AEBP2: variants seen among roughly 807,000 people sequenced by gnomAD.
The protein encoded by AEBP2 is zinc finger protein AEBP2.
AEBP2 carries 10 observed loss-of-function variants against 50.8 expected under a neutral mutation model. The observed-to-expected ratio is 0.20, with a 90% confidence interval of 0.12 to 0.33. The LOEUF (loss-of-function observed/expected upper bound fraction) is 0.33. Ranked by LOEUF, AEBP2 falls within the 10% of genes least tolerant of loss-of-function variation. AEBP2 has a pLI of 1.00. For missense variants in AEBP2, 570 were observed against 688.0 expected (o/e 0.83, Z 1.92); for synonymous variants, 296 against 261.3 (o/e 1.13, Z -1.28).
chr12:19,406,133 T>G (rs1239786963), intron 1 of AEBP2, among the ~76,000 whole-genome samples: 2 of 151,986 alleles, frequency 1.3e-5, no homozygotes, highest in African/African-American at 4.8e-5. Context: ...GCCTGGCTAA[T>G]TTTTGCATTT....
At chr12:19,492,437 A>G (rs1948907626) in intron 3 of AEBP2, among the ~76,000 whole-genome samples, 1 of 152,170 alleles carries the variant, frequency 6.6e-6, no homozygotes, top group Non-Finnish European at 1.5e-5. Context: ...TTAACATTGC[A>G]AGTACAGAAG....
rs757069982 is a variant in AEBP2 at position 19,456,897 on chromosome 12, A to C, written c.672-5613A>C. The C allele has an allele frequency of 2.1e-6, 3 of 1,460,952 alleles. No homozygotes were observed. In the Admixed American group the frequency reaches 5.0e-5, roughly 24 times the overall value. The allele number at this position is 1,460,952 out of a possible 1,614,324, so 90.5% of individuals were successfully genotyped here. A position where few individuals can be genotyped will look rare whatever the true frequency, so the allele number is the denominator to read the frequency against. ...TGTAGACATCCTGGAGAGGCAGGCA[A>C]AGGGGCTTGTTAGTTGGATGAGTTG... On this transcript the variant is annotated intron_variant, in intron 1 of 7. Transcript: ENST00000266508.
Position 19,518,706 on chromosome 12 carries a change from TTAAGCAAACAG to T in AEBP2, c.*591_*601del. The T allele has an allele frequency of 6.7e-7, 1 of 1,493,868 alleles. No homozygotes were observed. The highest frequency in any genetic ancestry group is 9.0e-7 in the Non-Finnish European group (1 of 1,105,316). 92.5% of individuals were successfully genotyped at this position (1,493,868 alleles called of 1,614,324 possible). A position where few individuals can be genotyped will look rare whatever the true frequency, so the allele number is the denominator to read the frequency against. ...GATAAGAAAAGTGTTCAATTTGTAT[TTAAGCAAACAG>T]TGAACGACGTTTGCAATCAACTAAA... On this transcript the variant is annotated 3_prime_UTR_variant, in exon 8 of 8. Transcript: ENST00000266508.
Position 19,482,873 on chromosome 12 carries a change from G to T in AEBP2, c.987+9518G>T, listed in dbSNP as rs186432529. ...TAGTTCACCAGGGAAGTGGGGGGTT[G>T]TGAGAGTCCTGGTTGCGAGAGACCT... On this transcript the variant is annotated intron_variant, in intron 3 of 7. Coordinates refer to ENST00000266508, the MANE Select transcript of AEBP2 (RefSeq NM_153207.5). Among the ~76,000 whole-genome samples the T allele has an allele frequency of 2.7e-3, 416 of 152,254 alleles. 4 individuals carry two copies. The highest frequency in any genetic ancestry group is 3.8e-3 in the Non-Finnish European group (258 of 68,032).
intron 4 of AEBP2, 30 bp from the exon 5 acceptor site, chr12:19,500,067 A>T (rs1285497849): frequency 6.4e-6 from 10 of 1,572,200 alleles, no homozygotes; most frequent in East Asian, 2.3e-5. Context: ...GTTTTTCTAA[A>T]TATTCTTTAC....
chr12:19,461,751 T>C (rs975198360), intron 1 of AEBP2, among the ~76,000 whole-genome samples: 1 of 152,152 alleles, frequency 6.6e-6, no homozygotes, highest in Non-Finnish European at 1.5e-5. Flanking sequence ...CATCAGGTAG[T>C]CCACCCGCCT....
At chr12:19,421,649 C>CA (rs1156925129) in intron 1 of AEBP2, among the ~76,000 whole-genome samples, 10 of 152,054 alleles carry the variant, frequency 6.6e-5, no homozygotes, top group Non-Finnish European at 1.2e-4. Context: ...AGGAAACATT[C>CA]AAAAAAGAAA....
intron 3 of AEBP2, among the ~76,000 whole-genome samples, chr12:19,482,114 C>G (rs944609010): frequency 2.0e-5 from 3 of 152,190 alleles, no homozygotes; most frequent in Non-Finnish European, 4.4e-5. Context: ...GGCCTGCTGT[C>G]TCCCACTTCC....
rs12581745 is a variant in AEBP2 at position 19,459,424 on chromosome 12, G to C, written c.672-3086G>C. 9.9e-5 allele frequency among the ~76,000 whole-genome samples: 15 copies of C among 152,114 alleles called. No individual in the cohort carries two copies. The East Asian group carries it at 2.5e-3, about 26-fold the overall frequency. ...TTTTTTGTGTTTTTAATAGAGACAG[G>C]GTTTCACTGTGTTAGCCAGGCTGGT... is the stretch of plus-strand genomic sequence containing the variant. On this transcript the variant is annotated intron_variant, in intron 1 of 7. Coordinates refer to ENST00000266508, the MANE Select transcript of AEBP2 (RefSeq NM_153207.5).
At chr12:19,502,867 C>T (rs912251544) in intron 5 of AEBP2, among the ~76,000 whole-genome samples, 8 of 152,054 alleles carry the variant, frequency 5.3e-5, no homozygotes, top group Non-Finnish European at 1.0e-4. Flanking sequence ...AGGCTGGTCT[C>T]GAACTCCCAA....
intron 1 of AEBP2, among the ~76,000 whole-genome samples, chr12:19,454,551 T>C (rs549012721): frequency 2.0e-5 from 3 of 152,326 alleles, no homozygotes; most frequent in South Asian, 2.1e-4. Context: ...TTTTACTCAG[T>C]GATGTATTCA....
rs1746104886 is a variant in AEBP2, at chr12:19,518,824, G to C, written c.*707G>C. 1.1e-6 allele frequency: 1 copy of C among 931,274 alleles called. No homozygotes were observed. Among genetic ancestry groups the C allele is most frequent in the Non-Finnish European group, 1.5e-6 (1 of 646,772 alleles). The allele number at this position is 931,274 out of a possible 1,614,324, so 57.7% of individuals were successfully genotyped here. On this transcript the variant is annotated 3_prime_UTR_variant, in exon 8 of 8. Coordinates refer to ENST00000266508, the MANE Select transcript of AEBP2 (RefSeq NM_153207.5). ...TGGTGGCTCCCTTTTCAGGACTAGG[G>C]CTTTCTCATGGAGTACAGTATGTTA...
In AEBP2 at chr12:19,518,967, T is replaced by C. The variant is rs147390244; in HGVS notation, c.*850T>C. ...TCTAATTTTTTTTCTGAGGAAATCA[T>C]TTGGTTTTTGAGTTGTTTTTTCTTA... On this transcript the variant is annotated 3_prime_UTR_variant, in exon 8 of 8. Coordinates refer to ENST00000266508, the MANE Select transcript of AEBP2 (RefSeq NM_153207.5). The C allele has an allele frequency of 9.8e-4, 261 of 266,978 alleles. 2 individuals are homozygous for C. In the East Asian group the frequency reaches 0.015, roughly 15 times the overall value. 16.5% of individuals were successfully genotyped at this position (266,978 alleles called of 1,614,324 possible).
At chr12:19,472,425 A>T (rs1398784767) in intron 2 of AEBP2, among the ~76,000 whole-genome samples, 2 of 152,164 alleles carry the variant, frequency 1.3e-5, no homozygotes, top group African/African-American at 4.8e-5. Context: ...GGAAATTGAC[A>T]TGTCACTGGT....
rs189751288 is a variant in AEBP2 at position 19,486,621 on chromosome 12, G to A, written c.988-7179G>A. 2.8e-3 allele frequency among the ~76,000 whole-genome samples: 432 copies of A among 152,014 alleles called. 1 individual carries two copies. The highest frequency in any genetic ancestry group is 6.8e-3 in the Middle Eastern group (2 of 294). The stretch of plus-strand genomic sequence containing the variant: ...TGGTTTCGAACTCGCAGGCCCAAGC[G>A]ATCCTCCCCCTGTGACCTCCCAAAA... On this transcript the variant is annotated intron_variant, in intron 3 of 7. Coordinates refer to ENST00000266508, the MANE Select transcript of AEBP2 (RefSeq NM_153207.5).
intron 5 of AEBP2, among the ~76,000 whole-genome samples, chr12:19,512,079 T>G (rs771627850): frequency 1.4e-4 from 21 of 152,084 alleles, no homozygotes; most frequent in Non-Finnish European, 2.5e-4. Flanking sequence ...TGGAGTGCAG[T>G]GGCGTGATCT....
At chr12:19,434,057 G>A (rs1001195973) in intron 1 of AEBP2, among the ~76,000 whole-genome samples, 2 of 152,008 alleles carry the variant, frequency 1.3e-5, no homozygotes, top group Non-Finnish European at 2.9e-5. Context: ...ATGTTGGCCA[G>A]GATGGTCTCG....
chr12:19,445,637 T>C (rs1024750109), intron 1 of AEBP2, among the ~76,000 whole-genome samples: 10 of 152,228 alleles, frequency 6.6e-5, no homozygotes, highest in African/African-American at 2.4e-4. Flanking sequence ...CGTCTGTTAT[T>C]GTGAAGTGCT....
intron 2 of AEBP2, among the ~76,000 whole-genome samples, chr12:19,466,535 C>A (rs1377380048): frequency 2.0e-5 from 3 of 152,224 alleles, no homozygotes; most frequent in Non-Finnish European, 4.4e-5. Flanking sequence ...CACCCGCTCT[C>A]TGTCTCCAGA....
Sources: gnomAD v4.1 joint callset for allele counts (sites outside exome capture counted in the v4.1 genomes callset) on GRCh38, gnomAD v4.1.1 for gene constraint, MANE v1.5 for transcripts, NCBI Gene and HGNC (gene_info 2026-07-23, HGNC 2026-07-21) for gene names.